NVL: variants seen among roughly 807,000 people sequenced by gnomAD.
The protein encoded by NVL is nuclear VCP like, also known as nuclear valosin-containing protein-like.
In NVL, 84 loss-of-function variants were observed where a neutral mutation model predicts 110.2. The observed-to-expected ratio is 0.76, with a 90% CI of 0.64 to 0.91. The LOEUF is 0.91. NVL is among the 40% of genes least tolerant of loss of function. The pLI, the probability that NVL is intolerant of heterozygous loss-of-function variation, is 0.00. For synonymous variants in NVL, 354 were observed against 361.1 expected (o/e 0.98, Z 0.22); for missense variants, 882 against 1,035.9 (o/e 0.85, Z 2.04).
At chr1:224,318,320 A>G (rs1558358532) in intron 2 of NVL, among the ~76,000 whole-genome samples, 1 of 152,164 alleles carries the variant, frequency 6.6e-6, no homozygotes, top group Non-Finnish European at 1.5e-5. Flanking sequence ...AATAAGTTCT[A>G]GGCCAGGCAC....
At chr1:224,322,545 CT>C (rs1267495500) in intron 2 of NVL, among the ~76,000 whole-genome samples, 5 of 152,112 alleles carry the variant, frequency 3.3e-5, no homozygotes, top group Non-Finnish European at 7.3e-5. Flanking sequence ...TATAGTGCTA[CT>C]GTGACAAATA....
intron 17 of NVL, chr1:224,269,750 TTTTC>T (rs1664871882): frequency 1.3e-5 from 2 of 150,212 alleles, no homozygotes; most frequent in Non-Finnish European, 3.0e-5. Flanking sequence ...TTTCTTTCTT[TTTTC>T]TTTTTTTTTT....
chr1:224,292,376 AGATAAAGTT>A (rs1558315118), intron 12 of NVL, among the ~76,000 whole-genome samples: 1 of 152,248 alleles, frequency 6.6e-6, no homozygotes. Flanking sequence ...ATCACTTTAC[AGATAAAGTT>A]ATTACTATTA....
intron 19 of NVL, 130 bp from the exon 20 acceptor site, chr1:224,236,712 A>C: frequency 1.5e-6 from 1 of 661,026 alleles, no homozygotes; most frequent in Non-Finnish European, 2.8e-6. Context: ...GGAGTTCGAG[A>C]CCAACCTGTG....
intron 2 of NVL, among the ~76,000 whole-genome samples, chr1:224,320,784 C>G (rs557603780): frequency 1.3e-5 from 2 of 152,122 alleles, no homozygotes; most frequent in Non-Finnish European, 2.9e-5. Context: ...CGAGTAGGTA[C>G]GATGACAGAC....
chr1:224,249,706 C>G (rs187903318), intron 19 of NVL, among the ~76,000 whole-genome samples: 19 of 152,200 alleles, frequency 1.2e-4, no homozygotes, highest in Admixed American at 1.2e-3. Flanking sequence ...GATCATGCCA[C>G]TGCACTCCAG....
intron 17 of NVL, 41 bp downstream of exon 17, chr1:224,275,298 G>T (rs750236014): frequency 1.9e-6 from 3 of 1,612,354 alleles, no homozygotes; most frequent in Non-Finnish European, 2.5e-6. Context: ...AAGGTTTATT[G>T]TGCTAAAAGA....
intron 2 of NVL, among the ~76,000 whole-genome samples, chr1:224,325,691 C>G (rs1188018107): frequency 6.6e-6 from 1 of 152,190 alleles, no homozygotes; most frequent in Non-Finnish European, 1.5e-5. Flanking sequence ...TGAGGTCATG[C>G]CATTGCACTC....
At chr1:224,283,794 A>C (rs1376623278) in intron 15 of NVL, among the ~76,000 whole-genome samples, 1 of 152,200 alleles carries the variant, frequency 6.6e-6, no homozygotes, top group Non-Finnish European at 1.5e-5. Context: ...TTGTGAAAAA[A>C]TTGTAGATCA....
intron 19 of NVL, among the ~76,000 whole-genome samples, chr1:224,241,555 G>A (rs545318165): frequency 7.3e-4 from 111 of 152,060 alleles, no homozygotes; most frequent in Middle Eastern, 3.4e-3. Context: ...AAGGAAAATA[G>A]TCTCTTAAGG....
chr1:224,250,382 T>G (rs1662334841), intron 18 of NVL, 64 bp from the exon 19 acceptor site: 1 of 1,386,812 alleles, frequency 7.2e-7, no homozygotes, highest in Non-Finnish European at 9.5e-7. Context: ...TTTATTTTTT[T>G]GAGAGAGGGT....
At chr1:224,255,529 G>A (rs1356426860) in intron 18 of NVL, among the ~76,000 whole-genome samples, 1 of 152,108 alleles carries the variant, frequency 6.6e-6, no homozygotes, top group Non-Finnish European at 1.5e-5. Flanking sequence ...TCAGATATAT[G>A]CTTTGCAAAT....
intron 14 of NVL, among the ~76,000 whole-genome samples, chr1:224,287,320 T>C (rs1666963191): frequency 6.6e-6 from 1 of 151,958 alleles, no homozygotes; most frequent in Non-Finnish European, 1.5e-5. Flanking sequence ...GTAAAAAAAA[T>C]AGTTAGATAG....
intron 4 of NVL, among the ~76,000 whole-genome samples, chr1:224,313,571 C>T (rs1324202164): frequency 6.6e-6 from 1 of 152,090 alleles, no homozygotes; most frequent in Non-Finnish European, 1.5e-5. Context: ...TTATTTTATG[C>T]AAAACCCTCT....
intron 22 of NVL, among the ~76,000 whole-genome samples, 160 bp downstream of exon 22, chr1:224,231,066 G>A (rs1332994431): frequency 6.6e-6 from 1 of 151,338 alleles, no homozygotes; most frequent in African/African-American, 2.4e-5. Context: ...CCGGGAGGCA[G>A]AGCTTGCAGT....
chr1:224,233,455 A>G (rs1300446159), intron 20 of NVL, among the ~76,000 whole-genome samples, 166 bp from the exon 21 acceptor site: 1 of 152,252 alleles, frequency 6.6e-6, no homozygotes, highest in Non-Finnish European at 1.5e-5. Context: ...AAGAGCTCTT[A>G]GCTTTTATAT....
Position 224,287,800 on chromosome 1 carries a change from C to G in NVL, c.1769G>C (p.Arg590Thr). 6.2e-7 allele frequency: 1 copy of G among 1,614,132 alleles called. No homozygotes were observed. Among genetic ancestry groups the G allele is most frequent in the Non-Finnish European group, 8.5e-7 (1 of 1,180,006 alleles). ...WADIGALEDI[R>T]EELTMAILAP... is the part of the protein sequence containing the mutation. ...CAATATTGCCATGGTGAGCTCCTCT[C>G]TAATGTCTTCCAGGGCACCAATATC... is the stretch of plus-strand genomic sequence containing the variant. Residue 590 changes from arginine (R) to threonine (T), a missense_variant, in exon 14 of 23, where the codon AGA (arginine) becomes ACA (threonine). Transcript: ENST00000281701.
intron 10 of NVL, among the ~76,000 whole-genome samples, chr1:224,298,824 T>A (rs1668124369): frequency 6.6e-6 from 1 of 152,216 alleles, no homozygotes; most frequent in Admixed American, 6.5e-5. Flanking sequence ...AGCCAGGTAT[T>A]ATTTATGAAA....
chr1:224,231,754 C>T (rs145501984), intron 21 of NVL, among the ~76,000 whole-genome samples: 93 of 152,164 alleles, frequency 6.1e-4, no homozygotes, highest in Middle Eastern at 3.4e-3. Flanking sequence ...AGGTCGGGCG[C>T]GGTGGCTCAG....
Sources: allele counts gnomAD v4.1 joint callset (sites outside exome capture counted in the v4.1 genomes callset), GRCh38; gene constraint gnomAD v4.1.1; transcripts MANE v1.5; gene names NCBI Gene and HGNC (gene_info 2026-07-23, HGNC 2026-07-21).